Variants in DRAM1 observed in about 807,000 individuals in gnomAD.
DRAM1 encodes the protein DNA damage-regulated autophagy modulator protein 1.
DRAM1 carries 25 observed loss-of-function variants against 28.5 expected under a neutral mutation model. The observed-to-expected ratio is 0.88, with a 90% CI of 0.64 to 1.23. DRAM1 has a LOEUF of 1.23. DRAM1 is among the 50% of genes most tolerant of loss of function. DRAM1 has a pLI of 0.00. For synonymous variants in DRAM1, 113 were observed against 114.2 expected (o/e 0.99, Z 0.07); for missense variants, 249 against 299.2 (o/e 0.83, Z 1.24).
chr12:101,901,081 GTGTGTGTGTGT>G (rs1873583376), intron 2 of DRAM1, among the ~76,000 whole-genome samples, 199 bp from the exon 3 acceptor site: 6 of 784 alleles, frequency 7.7e-3, no homozygotes, highest in South Asian at 0.05. Flanking sequence ...GCCAAGGGGT[GTGTGTGTGTGT>G]GTGTGTGTGT....
rs1874478669 is a variant in DRAM1, at chr12:101,921,420, A to G, written c.*160A>G. 1.6e-6 allele frequency: 1 copy of G among 631,488 alleles called. No individual in the cohort carries two copies. The highest frequency in any genetic ancestry group is 1.8e-5 in the African/African-American group (1 of 54,838). The allele number at this position is 631,488 out of a possible 1,614,324, so 39.1% of individuals were successfully genotyped here. ...ACGAGTTCCTAATAGTTGTATTTCT[A>G]AAGATGTGTTTCCTAGAGAATGTAC... On this transcript the variant is annotated 3_prime_UTR_variant, in exon 7 of 7. Coordinates refer to ENST00000258534, the MANE Select transcript of DRAM1 (RefSeq NM_018370.3).
rs1594306729 is a variant in DRAM1 at position 101,907,415 on chromosome 12, T to C, written c.343-771T>C. Among the ~76,000 whole-genome samples, 6 of 151,890 alleles carry C rather than the reference T, an allele frequency of 4.0e-5. No individual in the cohort carries two copies. The South Asian group carries it at 1.2e-3, about 32-fold the overall frequency. On this transcript the variant is annotated intron_variant, in intron 3 of 6. Transcript: ENST00000258534. Reference sequence around the variant, plus strand: ...TTTTTCAATCATATCATACCGAAGTTTATTGATGACATCAAACAAAAATTT... The same window carrying C: ...TTTTTCAATCATATCATACCGAAGTCTATTGATGACATCAAACAAAAATTT...
chr12:101,921,505 CAA>C lies in DRAM1; in HGVS notation c.*247_*248del, dbSNP rs1874482626. On this transcript the variant is annotated 3_prime_UTR_variant, in exon 7 of 7. Transcript: ENST00000258534. Reference sequence around the variant, plus strand: ...TTCTAAGTAGATTTTTTTATATTAACAAATTCATATACAGAAAAAATAAGGTG... The same window carrying C: ...TTCTAAGTAGATTTTTTTATATTAACATTCATATACAGAAAAAATAAGGTG... The C allele has an allele frequency of 3.0e-6, 1 of 337,484 alleles. No homozygotes were observed. Among genetic ancestry groups the C allele is most frequent in the South Asian group, 8.4e-5 (1 of 11,914 alleles). The allele number at this position is 337,484 out of a possible 1,614,324, so 20.9% of individuals were successfully genotyped here.
intron 1 of DRAM1, among the ~76,000 whole-genome samples, chr12:101,895,186 G>GTTTTTTTTTTTTTTGTTTT (rs1873301395): frequency 3.0e-4 from 23 of 75,720 alleles, no homozygotes; most frequent in Non-Finnish European, 4.2e-4. Flanking sequence ...AACCCTTCAG[G>GTTTTTTTTTTTTTTGTTTT]TTTTTTTTTT....
chr12:101,884,196 T>C (rs1041658345), intron 1 of DRAM1, among the ~76,000 whole-genome samples: 8 of 151,918 alleles, frequency 5.3e-5, no homozygotes, highest in African/African-American at 1.7e-4. Flanking sequence ...AGACCAGCCA[T>C]GGGCAATATG....
At position 101,895,186 on chromosome 12, in the gene DRAM1, G is replaced by GTTTTTTTTT. The variant is rs574722379; in HGVS notation, c.132-2655_132-2647dup. On this transcript the variant is annotated intron_variant, in intron 1 of 6. Transcript: ENST00000258534. ...TAATGCTAAATTCGAAACCCTTCAGGTTTTTTTTTTTTTTTTTTTTTTTTT... is the reference window on the plus strand; with the variant it reads ...TAATGCTAAATTCGAAACCCTTCAGGTTTTTTTTTTTTTTTTTTTTTTTTTTTTTTTTTT... Among the ~76,000 whole-genome samples, 26 of 75,728 alleles carry GTTTTTTTTT rather than the reference G, an allele frequency of 3.4e-4. 1 individual carries two copies. The highest frequency in any genetic ancestry group is 1.3e-3 in the African/African-American group (24 of 18,074). 49.7% of individuals were successfully genotyped at this position (75,728 alleles called of 152,430 possible).
intron 6 of DRAM1, 60 bp from the exon 7 acceptor site, chr12:101,921,156 T>G: frequency 8.2e-7 from 1 of 1,216,842 alleles, no homozygotes; most frequent in East Asian, 2.3e-5. Flanking sequence ...GGAAATGTCA[T>G]TGTCAACGCT....
At chr12:101,884,284 G>A (rs867997104) in intron 1 of DRAM1, among the ~76,000 whole-genome samples, 10 of 76,466 alleles carry the variant, frequency 1.3e-4, no homozygotes, top group African/African-American at 1.1e-3. Context: ...ACTTACTCAG[G>A]AGCCTGAGTG....
At chr12:101,898,075 C>T (rs572168886) in intron 2 of DRAM1, 145 bp downstream of exon 2, 7 of 510,338 alleles carry the variant, frequency 1.4e-5, no homozygotes, top group Admixed American at 3.7e-5. Flanking sequence ...GGCTGGAGTG[C>T]AGTGGCGTGA....
chr12:101,915,278 C>T (rs1474446625), intron 5 of DRAM1, among the ~76,000 whole-genome samples: 1 of 152,110 alleles, frequency 6.6e-6, no homozygotes, highest in Non-Finnish European at 1.5e-5. Flanking sequence ...CGCACCTGGC[C>T]TTTAATTTCT....
chr12:101,906,220 T>A (rs571277383), intron 3 of DRAM1, among the ~76,000 whole-genome samples: 2 of 152,232 alleles, frequency 1.3e-5, no homozygotes, highest in South Asian at 4.1e-4. Context: ...GAAATACATT[T>A]CCTTAGAAAT....
chr12:101,885,752 T>C (rs949666492), intron 1 of DRAM1, among the ~76,000 whole-genome samples: 52 of 152,158 alleles, frequency 3.4e-4, no homozygotes, highest in African/African-American at 1.2e-3. Context: ...GGTCTCGAAC[T>C]CCTGGCCTCA....
chr12:101,905,359 G>A (rs1873766606), intron 3 of DRAM1, among the ~76,000 whole-genome samples: 3 of 152,068 alleles, frequency 2.0e-5, no homozygotes, highest in Admixed American at 1.3e-4. Flanking sequence ...ATGGCTCACT[G>A]CAATCTCTGC....
At chr12:101,901,595 G>C in intron 3 of DRAM1, 162 bp downstream of exon 3, 2 of 782,408 alleles carry the variant, frequency 2.6e-6, no homozygotes, top group Non-Finnish European at 3.9e-6. Flanking sequence ...TTTAACATTT[G>C]GAAATCAGGG....
chr12:101,900,913 G>T (rs902065701), intron 2 of DRAM1, among the ~76,000 whole-genome samples: 2 of 152,104 alleles, frequency 1.3e-5, no homozygotes, highest in African/African-American at 4.8e-5. Flanking sequence ...AATAAATATA[G>T]TATCTCATAC....
intron 1 of DRAM1, among the ~76,000 whole-genome samples, chr12:101,888,319 C>T (rs1191556057): frequency 2.6e-5 from 4 of 151,678 alleles, no homozygotes; most frequent in Admixed American, 1.3e-4. Flanking sequence ...TTAGTAGAGA[C>T]GGGGTTTTAC....
intron 1 of DRAM1, among the ~76,000 whole-genome samples, chr12:101,879,097 C>T (rs1448909001): frequency 6.6e-6 from 1 of 152,024 alleles, no homozygotes; most frequent in African/African-American, 2.4e-5. Flanking sequence ...CGGGTTCAAG[C>T]GATTCTCCTG....
At chr12:101,920,835 C>G (rs568447553) in intron 6 of DRAM1, among the ~76,000 whole-genome samples, 2 of 152,006 alleles carry the variant, frequency 1.3e-5, no homozygotes, top group Non-Finnish European at 2.9e-5. Context: ...CACTTGAACC[C>G]GGGAGGCGGA....
At chr12:101,902,903 G>A (rs890400137) in intron 3 of DRAM1, among the ~76,000 whole-genome samples, 68 of 144,974 alleles carry the variant, frequency 4.7e-4, no homozygotes, top group African/African-American at 1.6e-3. Flanking sequence ...GCAAGAGAGA[G>A]TGTGACTGCC....
Sources: gnomAD v4.1 joint callset for allele counts (sites outside exome capture counted in the v4.1 genomes callset) on GRCh38, gnomAD v4.1.1 for gene constraint, MANE v1.5 for transcripts, NCBI Gene and HGNC (gene_info 2026-07-23, HGNC 2026-07-21) for gene names.